The following ITGB7 variants were observed in gnomAD, a reference collection of about 807,000 sequenced individuals.
The protein encoded by ITGB7 is integrin subunit beta 7.
In ITGB7, 55 loss-of-function variants were observed where a neutral mutation model predicts 83.4. The ratio of observed to expected loss-of-function variants is 0.66; its 90% CI spans 0.53 to 0.83. The LOEUF (loss-of-function observed/expected upper bound fraction) is 0.83. Ranked by LOEUF, ITGB7 falls within the 40% of genes least tolerant of loss-of-function variation. ITGB7 has a pLI of 0.00. For missense variants in ITGB7, 921 were observed against 1,046.7 expected (o/e 0.88, Z 1.66); for synonymous variants, 454 against 423.6 (o/e 1.07, Z -0.88).
At position 53,193,165 on chromosome 12, in the gene ITGB7, C is replaced by G; in HGVS notation, c.1701G>C (p.Glu567Asp). 1 of 1,613,016 alleles carries G rather than the reference C, an allele frequency of 6.2e-7. No homozygotes were observed. The highest frequency in any genetic ancestry group is 1.7e-5 in the Admixed American group (1 of 59,990). The change falls in exon 12 of 16, where the codon GAG (glutamate) becomes GAC (aspartate). Residue 567 changes from glutamate (E) to aspartate (D), a missense_variant. Coordinates refer to ENST00000267082, the MANE Select transcript of ITGB7 (RefSeq NM_000889.3). ...HLCECDDASC[E>D]RHEGILCGGF... ...CTCCGCAGAGGATGCCCTCATGTCG[C>G]TCACAGCTGGCATCGTCACACTCGC... is the stretch of plus-strand genomic sequence containing the variant.
chr12:53,197,756 G>A lies in ITGB7; in HGVS notation c.397C>T (p.Arg133Trp), dbSNP rs780684197. The A allele has an allele frequency of 2.5e-6, 4 of 1,576,000 alleles. No homozygotes were observed. The East Asian group carries it at 9.5e-5, about 37-fold the overall frequency. Residue 133 changes from arginine to tryptophan, a missense_variant, in exon 4 of 16, where the codon CGG (arginine) becomes TGG (tryptophan). Coordinates refer to ENST00000267082, the MANE Select transcript of ITGB7 (RefSeq NM_000889.3). ...LAPQRVRVTL[R>W]PGEPQQLQVR... is the part of the protein sequence containing the mutation. ...CCCGCCTCCCCTAACTCACCAGGCC[G>A]CAGCGTGACCCGGACCCGCTGCGGC...
Position 53,192,337 on chromosome 12 carries a change from G to C in ITGB7, c.2148C>G (p.Pro716=), listed in dbSNP as rs200819983. ...GCATCCCTGCCCACTTACTTTCTTG[G>C]GGTCTCACTCTGAGCACGACCGTGC... ...ARGTVVLRVR[P]QEKGADHTQA... The change falls in exon 14 of 16, where the codon CCC becomes CCG. Residue 716 remains proline (P), a synonymous_variant. Transcript: ENST00000267082. The C allele has an allele frequency of 1.7e-5, 28 of 1,613,788 alleles. No individual in the cohort carries two copies. Among genetic ancestry groups the C allele is most frequent in the Admixed American group, 5.0e-5 (3 of 59,976 alleles).
rs751490879 is a variant in ITGB7, at chr12:53,192,004, G to A, written c.2171C>T (p.Thr724Met). ...VRPQEKGADH[T>M]QAIVLGCVGG... ...TACGCAGCCCAGCACAATGGCCTGC[G>A]TGTGGTCTGCTCCCTCTGTGAACAA... The change falls in exon 15 of 16, where the codon ACG becomes ATG. Residue 724 changes from threonine to methionine, a missense_variant. By Grantham distance (81) the Thr-to-Met change is moderately conservative (BLOSUM62 -1). Transcript: ENST00000267082. 66 of 1,612,744 alleles carry A rather than the reference G, an allele frequency of 4.1e-5. No homozygotes were observed. Among genetic ancestry groups the A allele is most frequent in the African/African-American group, 5.3e-5 (4 of 74,836 alleles).
chr12:53,196,879 C>T, intron 5 of ITGB7, 59 bp from the exon 6 acceptor site: 1 of 1,548,736 alleles, frequency 6.5e-7, no homozygotes, highest in South Asian at 1.2e-5. Flanking sequence ...ACAGAGGACC[C>T]ATGAGAGCGC....
rs542860109 is a variant in ITGB7 at position 53,196,473 on chromosome 12, C to T, written c.816+106G>A. 34 of 1,402,794 alleles carry T rather than the reference C, an allele frequency of 2.4e-5. No individual in the cohort carries two copies. The East Asian group carries it at 7.8e-4, about 32-fold the overall frequency. The allele number at this position is 1,402,794 out of a possible 1,614,324, so 86.9% of individuals were successfully genotyped here. ...TTGCTAAATATACAAACTACAGCAA[C>T]TATGGTATGAATGGCACCCCCTAGA... On this transcript the variant is annotated intron_variant, in intron 6 of 15. Coordinates refer to ENST00000267082, the MANE Select transcript of ITGB7 (RefSeq NM_000889.3).
chr12:53,204,947 C>T (rs1942400053), intron 1 of ITGB7, among the ~76,000 whole-genome samples: 1 of 150,402 alleles, frequency 6.6e-6, no homozygotes, highest in Non-Finnish European at 1.5e-5. Context: ...GCCTCATCCT[C>T]CTGAGTAGCT....
In ITGB7 at chr12:53,194,186, GCT is replaced by G; in HGVS notation, c.1308+10_1308+11del. On this transcript the variant is annotated intron_variant, in intron 10 of 15. Coordinates refer to ENST00000267082, the MANE Select transcript of ITGB7 (RefSeq NM_000889.3). ...CCCTGCCCGCCTTCTGCCTGTGCTTGCTGGCTCTCACCGTCTGGTTGATTCGG... is the reference window on the plus strand; with the variant it reads ...CCCTGCCCGCCTTCTGCCTGTGCTTGGGCTCTCACCGTCTGGTTGATTCGG... 6.2e-7 allele frequency: 1 copy of G among 1,613,842 alleles called. No homozygotes were observed. Among genetic ancestry groups the G allele is most frequent in the Non-Finnish European group, 8.5e-7 (1 of 1,179,882 alleles).
chr12:53,193,378 C>A lies in ITGB7; in HGVS notation c.1503-15G>T. The A allele has an allele frequency of 6.5e-7, 1 of 1,546,128 alleles. No individual in the cohort carries two copies. Among genetic ancestry groups the A allele is most frequent in the Non-Finnish European group, 8.8e-7 (1 of 1,141,562 alleles). Reference sequence around the variant, plus strand: ...CAGGGGCACAGCTGGAAGGGGAAGGCAAAGGAGAGAAGTAGGTCAGAGGGT... The same window carrying A: ...CAGGGGCACAGCTGGAAGGGGAAGGAAAAGGAGAGAAGTAGGTCAGAGGGT... On this transcript the variant is annotated splice_polypyrimidine_tract_variant and intron_variant, in intron 11 of 15. Coordinates refer to ENST00000267082, the MANE Select transcript of ITGB7 (RefSeq NM_000889.3).
chr12:53,203,670 AAGAAAGAAAGAAAAGAAAAG>A (rs1942371408), intron 1 of ITGB7, among the ~76,000 whole-genome samples: 1 of 137,124 alleles, frequency 7.3e-6, no homozygotes, highest in Non-Finnish European at 1.5e-5. Flanking sequence ...AAAAAAAAAA[AAGAAAGAAAGAAAAGAAAAG>A]AAGAAGAAAA....
In ITGB7 at chr12:53,194,438, C is replaced by A; in HGVS notation, c.1162-94G>T. The A allele has an allele frequency of 3.0e-6, 4 of 1,313,908 alleles. No individual in the cohort carries two copies. The South Asian group carries it at 4.0e-5, about 13-fold the overall frequency. 81.4% of individuals were successfully genotyped at this position (1,313,908 alleles called of 1,614,324 possible). On this transcript the variant is annotated intron_variant, in intron 9 of 15. Coordinates refer to ENST00000267082, the MANE Select transcript of ITGB7 (RefSeq NM_000889.3). ...CTCCAGGTGTTCCCAATTCTGCCAG[C>A]ACCCTGCCCTCTGCCACCTGGGGCT...
intron 11 of ITGB7, 156 bp from the exon 12 acceptor site, chr12:53,193,519 A>G: frequency 1.4e-6 from 1 of 736,482 alleles, no homozygotes; most frequent in East Asian, 2.7e-5. Flanking sequence ...GAGGGGTGAG[A>G]GAGTGGAGGG....
At chr12:53,205,473 GC>G (rs1263312491) in intron 1 of ITGB7, among the ~76,000 whole-genome samples, 1 of 152,136 alleles carries the variant, frequency 6.6e-6, no homozygotes, top group Non-Finnish European at 1.5e-5. Flanking sequence ...ACAGGCGTGA[GC>G]CATCACCCCC....
rs6580933 is a variant in ITGB7, at chr12:53,191,970, G to A, written c.2205C>T (p.Ile735=). ...GGACCAGCCCCAGCCCCACTGCCAC[G>A]ATGCCCCCTACGCAGCCCAGCACAA... The part of the protein sequence containing the change: ...QAIVLGCVGG[I]VAVGLGLVLA... Residue 735 remains isoleucine, a synonymous_variant, in exon 15 of 16, where the codon ATC becomes ATT. Coordinates refer to ENST00000267082, the MANE Select transcript of ITGB7 (RefSeq NM_000889.3). 1,950 of 1,611,824 alleles carry A rather than the reference G, an allele frequency of 1.2e-3. 25 individuals are homozygous for A. In the African/African-American group the frequency reaches 0.023, roughly 19 times the overall value.
At position 53,195,365 on chromosome 12, in the gene ITGB7, G is replaced by T. The variant is rs377636927; in HGVS notation, c.1161+9C>A. ...ACCCTCACCATCTCCCCTTCCCCTG[G>T]CCCCTCACATTATAAGCATCCATGA... On this transcript the variant is annotated intron_variant, in intron 9 of 15. Transcript: ENST00000267082. 1.5e-4 allele frequency: 245 copies of T among 1,600,806 alleles called. No homozygotes were observed. Among genetic ancestry groups the T allele is most frequent in the Admixed American group, 2.3e-4 (14 of 59,924 alleles).
At chr12:53,201,023 T>C (rs1318396316) in intron 2 of ITGB7, 49 bp downstream of exon 2, 1 of 152,502 alleles carries the variant, frequency 6.6e-6, no homozygotes, top group Non-Finnish European at 1.5e-5. Context: ...ACTAAAGGAT[T>C]TGGGGACTGA....
Position 53,197,482 on chromosome 12 carries a change from G to C in ITGB7, c.574+11C>G. ...AAGGGCTAACAGGGCGGGAGGCAGC[G>C]CTCGGCTCACCAATGCGCACAGAAT... On this transcript the variant is annotated intron_variant, in intron 5 of 15. Coordinates refer to ENST00000267082, the MANE Select transcript of ITGB7 (RefSeq NM_000889.3). The C allele has an allele frequency of 1.2e-6, 2 of 1,614,068 alleles. No individual in the cohort carries two copies. Among genetic ancestry groups the C allele is most frequent in the Non-Finnish European group, 1.7e-6 (2 of 1,179,932 alleles).
At position 53,196,797 on chromosome 12, in the gene ITGB7, T is replaced by G; in HGVS notation, c.598A>C (p.Thr200Pro). The part of the protein sequence containing the change: ...RIGFGSFVDK[T>P]VLPFVSTVPS... ...ACTGTGCTCACAAAGGGCAGCACCG[T>G]TTTGTCCACAAAGGAACCAAAACCT... The change falls in exon 6 of 16, where the codon ACG becomes CCG. Residue 200 changes from threonine to proline, a missense_variant. Thr to Pro is a conservative substitution (Grantham distance 38, BLOSUM62 -1). Transcript: ENST00000267082. 6.2e-7 allele frequency: 1 copy of G among 1,601,666 alleles called. No individual in the cohort carries two copies. The highest frequency in any genetic ancestry group is 8.5e-7 in the Non-Finnish European group (1 of 1,169,958).
intron 13 of ITGB7, 21 bp from the exon 14 acceptor site, chr12:53,192,559 G>A (rs756902852): frequency 6.2e-7 from 1 of 1,611,698 alleles, no homozygotes; most frequent in Non-Finnish European, 8.5e-7. Flanking sequence ...GATGCCAATA[G>A]GTTACCAGCT....
chr12:53,195,323 A>C lies in ITGB7; in HGVS notation c.1161+51T>G, dbSNP rs1592401594. On this transcript the variant is annotated intron_variant, in intron 9 of 15. Transcript: ENST00000267082. ...CCACCCCACCCAAGGGCCCCTTTCC[A>C]CCTTTCCCTAGTGCCCACCCTCACC... 3 of 1,383,944 alleles carry C rather than the reference A, an allele frequency of 2.2e-6. No individual in the cohort carries two copies. In the African/African-American group the frequency reaches 4.3e-5, roughly 20 times the overall value. 85.7% of individuals were successfully genotyped at this position (1,383,944 alleles called of 1,614,324 possible).
Sources: gnomAD v4.1 joint callset for allele counts (sites outside exome capture counted in the v4.1 genomes callset) on GRCh38, gnomAD v4.1.1 for gene constraint, MANE v1.5 for transcripts, NCBI Gene and HGNC (gene_info 2026-07-23, HGNC 2026-07-21) for gene names.